Variants in SLC28A1 observed in about 807,000 individuals in gnomAD.
SLC28A1 encodes the protein solute carrier family 28 member 1.
In SLC28A1, 64 loss-of-function variants were observed where a neutral mutation model predicts 74.8. The observed-to-expected ratio is 0.86, with a 90% CI of 0.70 to 1.05. SLC28A1 has a LOEUF of 1.05. Ranked by LOEUF, SLC28A1 falls within the 50% of genes least tolerant of loss-of-function variation. SLC28A1 has a pLI of 0.00. For synonymous variants in SLC28A1, 359 were observed against 335.0 expected (o/e 1.07, Z -0.78); for missense variants, 828 against 822.8 (o/e 1.01, Z -0.08).
intron 5 of SLC28A1, among the ~76,000 whole-genome samples, chr15:84,891,765 G>A (rs1965396979): frequency 3.3e-5 from 5 of 152,212 alleles, no homozygotes; most frequent in African/African-American, 1.2e-4. Flanking sequence ...GACAGCAAGT[G>A]TAAATGGCTT....
intron 6 of SLC28A1, among the ~76,000 whole-genome samples, chr15:84,902,731 G>GTT (rs200395938): frequency 5.0e-4 from 70 of 140,014 alleles, no homozygotes; most frequent in Non-Finnish European, 8.7e-4. Flanking sequence ...AAGCATTTAA[G>GTT]TTTTTTTTTT....
chr15:84,916,124 G>A (rs956134378), intron 9 of SLC28A1, among the ~76,000 whole-genome samples: 3 of 151,648 alleles, frequency 2.0e-5, no homozygotes, highest in African/African-American at 7.3e-5. Context: ...CACTACCCCT[G>A]GCTTATTTTT....
the SLC28A1 span, among the ~76,000 whole-genome samples, chr15:84,966,763 G>A: frequency 1.1e-4 from 17 of 152,198 alleles, no homozygotes; most frequent in African/African-American, 1.9e-4. Flanking sequence ...TCACTATCAC[G>A]AGAACAGCAC....
chr15:84,905,289 G>T (rs1966915084), intron 7 of SLC28A1, among the ~76,000 whole-genome samples: 1 of 152,174 alleles, frequency 6.6e-6, no homozygotes. Context: ...CCCAAGGCTG[G>T]TCCGGTTTCA....
At chr15:84,891,559 G>A (rs1391939742) in intron 5 of SLC28A1, among the ~76,000 whole-genome samples, 1 of 152,214 alleles carries the variant, frequency 6.6e-6, no homozygotes, top group African/African-American at 2.4e-5. Flanking sequence ...GAAGCCTGGA[G>A]ACCAGCCACA....
chr15:84,896,325 G>C (rs937835920), intron 6 of SLC28A1, among the ~76,000 whole-genome samples: 1 of 152,196 alleles, frequency 6.6e-6, no homozygotes, highest in African/African-American at 2.4e-5. Context: ...TAGCCAAAAA[G>C]CTCATGCAAA....
chr15:84,948,373 C>T (rs1340162797), downstream of SLC28A1, among the ~76,000 whole-genome samples: 2 of 152,044 alleles, frequency 1.3e-5, no homozygotes, highest in African/African-American at 2.4e-5. Context: ...ATGTTTATAC[C>T]CACTGTATGG....
At chr15:84,949,698 A>T (rs59426444), downstream of SLC28A1, among the ~76,000 whole-genome samples, 5,287 of 151,308 alleles carry the variant, frequency 0.035, 296 homozygotes, top group African/African-American at 0.12. Flanking sequence ...GGTTTGAGCC[A>T]CTGTGCCCAG....
chr15:84,923,353 C>T (rs1330685463), intron 11 of SLC28A1, among the ~76,000 whole-genome samples: 1 of 148,412 alleles, frequency 6.7e-6, no homozygotes, highest in Non-Finnish European at 1.5e-5. Flanking sequence ...TTATCTATAT[C>T]CTCCCACCCT....
the SLC28A1 span, among the ~76,000 whole-genome samples, chr15:84,963,394 C>T: frequency 6.6e-5 from 10 of 152,120 alleles, no homozygotes; most frequent in African/African-American, 9.7e-5. Context: ...ATCCTGAGGT[C>T]CTGCTAGAAT....
the SLC28A1 span, among the ~76,000 whole-genome samples, chr15:84,969,577 T>G: frequency 6.6e-6 from 1 of 152,014 alleles, no homozygotes; most frequent in African/African-American, 2.4e-5. Flanking sequence ...AGAGCACACA[T>G]GTAGGGGGCA....
intron 6 of SLC28A1, chr15:84,895,777 G>A: frequency 1.7e-6 from 2 of 1,187,678 alleles, no homozygotes; most frequent in Non-Finnish European, 1.1e-6. Flanking sequence ...CAGTTTCTAT[G>A]GCTTAAAAAA....
At chr15:84,921,736 G>A (rs954663305) in intron 11 of SLC28A1, among the ~76,000 whole-genome samples, 3 of 152,172 alleles carry the variant, frequency 2.0e-5, no homozygotes, top group African/African-American at 7.2e-5. Flanking sequence ...GTGCATGTGT[G>A]TTGATTTGAA....
At chr15:84,890,875 G>T (rs1038223429) in intron 5 of SLC28A1, among the ~76,000 whole-genome samples, 1 of 152,168 alleles carries the variant, frequency 6.6e-6, no homozygotes, top group Non-Finnish European at 1.5e-5. Context: ...CCAGGTGGAG[G>T]TGATAGATAC....
At chr15:84,962,903 C>G in the SLC28A1 span, among the ~76,000 whole-genome samples, 8 of 152,166 alleles carry the variant, frequency 5.3e-5, no homozygotes, top group Non-Finnish European at 1.2e-4. Context: ...GAGCACAGAG[C>G]TTTCGCCCCT....
At chr15:84,934,009 A>G (rs1029212715) in intron 13 of SLC28A1, among the ~76,000 whole-genome samples, 2 of 152,168 alleles carry the variant, frequency 1.3e-5, no homozygotes, top group Non-Finnish European at 2.9e-5. Flanking sequence ...TCCTACTCCC[A>G]TGATAACCCA....
chr15:84,946,527 G>A (rs547643818), downstream of SLC28A1, among the ~76,000 whole-genome samples: 5 of 152,058 alleles, frequency 3.3e-5, no homozygotes, highest in African/African-American at 1.2e-4. Flanking sequence ...GACAGAGCTG[G>A]GAAGAGGCAG....
the SLC28A1 span, among the ~76,000 whole-genome samples, chr15:84,958,814 G>T: frequency 6.6e-6 from 1 of 151,792 alleles, no homozygotes; most frequent in African/African-American, 2.4e-5. Flanking sequence ...TTGAGATGGG[G>T]TCTTGCTGGG....
chr15:84,921,241 C>G (rs1969798690), intron 11 of SLC28A1, among the ~76,000 whole-genome samples, 172 bp downstream of exon 11: 1 of 152,192 alleles, frequency 6.6e-6, no homozygotes, highest in African/African-American at 2.4e-5. Flanking sequence ...ATGCCTGGGT[C>G]ATGCCAGGGA....
Sources: allele counts gnomAD v4.1 joint callset (sites outside exome capture counted in the v4.1 genomes callset), GRCh38; gene constraint gnomAD v4.1.1; transcripts MANE v1.5; gene names NCBI Gene and HGNC (gene_info 2026-07-23, HGNC 2026-07-21).